Variants in LYPLAL1 observed in about 807,000 individuals in gnomAD.
LYPLAL1 encodes the protein lysophospholipase-like protein 1.
LYPLAL1 carries 23 observed loss-of-function variants against 19.7 expected under a neutral mutation model. The ratio of observed to expected loss-of-function variants is 1.17; its 90% CI spans 0.84 to 1.65. The LOEUF (loss-of-function observed/expected upper bound fraction) is 1.65. Ranked by LOEUF, LYPLAL1 falls within the 40% of genes most tolerant of loss-of-function variation. LYPLAL1 has a pLI of 0.00. For synonymous variants in LYPLAL1, 119 were observed against 96.3 expected (o/e 1.24, Z -1.38); for missense variants, 355 against 279.4 (o/e 1.27, Z -1.93).
chr1:219,276,615 G>A, the LYPLAL1 span, among the ~76,000 whole-genome samples: 2 of 152,184 alleles, frequency 1.3e-5, no homozygotes, highest in Non-Finnish European at 2.9e-5. Context: ...TGTGTAAATT[G>A]TGCAAATGTA....
At chr1:219,300,461 G>T in the LYPLAL1 span, among the ~76,000 whole-genome samples, 1 of 150,850 alleles carries the variant, frequency 6.6e-6, no homozygotes, top group Admixed American at 6.6e-5. Context: ...TGAACAGGTG[G>T]AAAAGAGATT....
the LYPLAL1 span, among the ~76,000 whole-genome samples, chr1:219,229,273 C>G: frequency 1.4e-5 from 2 of 146,962 alleles, no homozygotes; most frequent in African/African-American, 5.2e-5. Flanking sequence ...CTCCCATGGA[C>G]ATAGGTGAGG....
the LYPLAL1 span, among the ~76,000 whole-genome samples, chr1:219,340,431 A>T: frequency 1.3e-5 from 2 of 152,078 alleles, no homozygotes; most frequent in Non-Finnish European, 2.9e-5. Flanking sequence ...TATCTAATGG[A>T]AGTGGTGAAC....
the LYPLAL1 span, among the ~76,000 whole-genome samples, chr1:219,358,559 A>G: frequency 6.6e-6 from 1 of 152,162 alleles, no homozygotes; most frequent in Non-Finnish European, 1.5e-5. Context: ...TAATCATGGC[A>G]GAAGGGGAAG....
the LYPLAL1 span, among the ~76,000 whole-genome samples, chr1:219,433,503 A>G: frequency 1.3e-5 from 2 of 152,342 alleles, no homozygotes; most frequent in South Asian, 4.1e-4. Flanking sequence ...AGAAAATCAT[A>G]CTGTGTGCTG....
the LYPLAL1 span, among the ~76,000 whole-genome samples, chr1:219,236,248 G>A: frequency 9.2e-5 from 14 of 152,164 alleles, 1 homozygote; most frequent in East Asian, 5.8e-4. Context: ...GGTTTCTTGC[G>A]GAAGAGGAGA....
the LYPLAL1 span, among the ~76,000 whole-genome samples, chr1:219,387,476 CAAG>C: frequency 1.0e-3 from 154 of 152,192 alleles, 5 homozygotes; most frequent in East Asian, 0.028. Context: ...AAAATTTAAC[CAAG>C]ACCTTTGATT....
At chr1:219,261,562 A>C in the LYPLAL1 span, among the ~76,000 whole-genome samples, 1 of 152,202 alleles carries the variant, frequency 6.6e-6, no homozygotes, top group Admixed American at 6.5e-5. Context: ...CTGGCTTGGT[A>C]GTGGCAAATT....
At chr1:219,184,919 CG>C (rs112056698) in intron 2 of LYPLAL1, among the ~76,000 whole-genome samples, 4,754 of 151,894 alleles carry the variant, frequency 0.031, 238 homozygotes, top group African/African-American at 0.11. Flanking sequence ...ACGTTATCAT[CG>C]GGGTTATGCT....
At chr1:219,428,229 T>C in the LYPLAL1 span, among the ~76,000 whole-genome samples, 1 of 152,324 alleles carries the variant, frequency 6.6e-6, no homozygotes, top group South Asian at 2.1e-4. Context: ...TACAGTTATC[T>C]CATCAAAATG....
chr1:219,369,464 G>A, the LYPLAL1 span, among the ~76,000 whole-genome samples: 1 of 152,306 alleles, frequency 6.6e-6, no homozygotes, highest in Admixed American at 6.5e-5. Context: ...AGTAGAGGCA[G>A]GGTTTCACCA....
the LYPLAL1 span, among the ~76,000 whole-genome samples, chr1:219,232,266 A>G: frequency 6.6e-6 from 1 of 152,230 alleles, no homozygotes; most frequent in African/African-American, 2.4e-5. Context: ...GCCCGAGCTC[A>G]GATAGACTCA....
the LYPLAL1 span, among the ~76,000 whole-genome samples, chr1:219,400,086 A>G: frequency 4.6e-5 from 7 of 152,122 alleles, no homozygotes; most frequent in Non-Finnish European, 7.4e-5. Context: ...ATTTCCCCAG[A>G]GTCACTGGGG....
the LYPLAL1 span, among the ~76,000 whole-genome samples, chr1:219,433,759 C>T: frequency 6.6e-6 from 1 of 152,380 alleles, no homozygotes; most frequent in Admixed American, 6.5e-5. Flanking sequence ...CCTGGGCTTC[C>T]AGCCCTTCTA....
the LYPLAL1 span, among the ~76,000 whole-genome samples, chr1:219,319,619 A>T: frequency 6.6e-6 from 1 of 152,208 alleles, no homozygotes. Flanking sequence ...GCCAAAAAAG[A>T]AATGTGCTTC....
At chr1:219,334,526 G>GTGTGT in the LYPLAL1 span, among the ~76,000 whole-genome samples, 1 of 147,150 alleles carries the variant, frequency 6.8e-6, no homozygotes, top group African/African-American at 2.5e-5. Flanking sequence ...AATGAAGAGG[G>GTGTGT]GTGTGTGTGT....
the LYPLAL1 span, among the ~76,000 whole-genome samples, chr1:219,265,188 A>G: frequency 1.3e-5 from 2 of 152,244 alleles, no homozygotes; most frequent in Non-Finnish European, 2.9e-5. Context: ...AGCACTCTCT[A>G]TAATTTTCTA....
chr1:219,379,089 CTTTAAG>C, the LYPLAL1 span, among the ~76,000 whole-genome samples: 4 of 152,138 alleles, frequency 2.6e-5, no homozygotes, highest in Non-Finnish European at 4.4e-5. Flanking sequence ...TTGTCCTATA[CTTTAAG>C]TTTAACCGTA....
the LYPLAL1 span, among the ~76,000 whole-genome samples, chr1:219,363,352 A>G: frequency 6.6e-6 from 1 of 152,140 alleles, no homozygotes; most frequent in Admixed American, 6.5e-5. Flanking sequence ...AATACCAAAC[A>G]CAGTACGTAA....
Sources: allele counts gnomAD v4.1 joint callset (sites outside exome capture counted in the v4.1 genomes callset), GRCh38; gene constraint gnomAD v4.1.1; transcripts MANE v1.5; gene names NCBI Gene and HGNC (gene_info 2026-07-23, HGNC 2026-07-21).